DCLK2: variants seen among roughly 807,000 people sequenced by gnomAD.
DCLK2 encodes the protein serine/threonine-protein kinase DCLK2.
DCLK2 carries 31 observed loss-of-function variants against 78.4 expected under a neutral mutation model. The observed-to-expected ratio is 0.40, with a 90% CI of 0.30 to 0.53. The LOEUF is 0.53. Among genes scored for constraint, DCLK2 ranks in the 20% least tolerant of loss-of-function variants. The pLI, the probability that DCLK2 is intolerant of heterozygous loss-of-function variation, is 0.61. For missense variants in DCLK2, 872 were observed against 973.7 expected (o/e 0.90, Z 1.39); for synonymous variants, 407 against 374.9 (o/e 1.09, Z -0.99).
chr4:150,091,643 C>T (rs904278883), intron 1 of DCLK2, among the ~76,000 whole-genome samples: 7 of 152,154 alleles, frequency 4.6e-5, no homozygotes, highest in African/African-American at 1.7e-4. Context: ...AGTTACTGGA[C>T]ATACTATAAC....
intron 15 of DCLK2, among the ~76,000 whole-genome samples, chr4:150,251,701 C>A: frequency 9.8e-6 from 1 of 102,454 alleles, no homozygotes; most frequent in East Asian, 3.1e-4. Context: ...ACCAGGTACC[C>A]CCACACACCC....
At chr4:150,209,096 T>G (rs1201299353) in intron 5 of DCLK2, among the ~76,000 whole-genome samples, 1 of 152,208 alleles carries the variant, frequency 6.6e-6, no homozygotes, top group East Asian at 1.9e-4. Flanking sequence ...CTTAAACAAA[T>G]GATTGGAAAC....
intron 12 of DCLK2, among the ~76,000 whole-genome samples, chr4:150,242,429 T>C (rs1488433987): frequency 6.6e-6 from 1 of 152,230 alleles, no homozygotes; most frequent in Non-Finnish European, 1.5e-5. Flanking sequence ...ACACAGACTG[T>C]AGAATTACTG....
intron 15 of DCLK2, chr4:150,253,219 G>A (rs777001641): frequency 4.1e-5 from 21 of 516,920 alleles, no homozygotes; most frequent in South Asian, 2.8e-4. Context: ...GGTACTCATA[G>A]GTCCTCATAA....
At chr4:150,173,544 C>A (rs2150264322) in intron 2 of DCLK2, among the ~76,000 whole-genome samples, 1 of 152,264 alleles carries the variant, frequency 6.6e-6, no homozygotes, top group Non-Finnish European at 1.5e-5. Flanking sequence ...AATGTGCCCT[C>A]TTCACCTCCT....
chr4:150,203,950 G>A (rs1739648956), intron 5 of DCLK2, 61 bp downstream of exon 5: 2 of 1,506,376 alleles, frequency 1.3e-6, no homozygotes, highest in Non-Finnish European at 9.2e-7. Flanking sequence ...TCATAGTTTA[G>A]CAGTTTAATT....
At chr4:150,172,499 C>G (rs1736609399) in intron 2 of DCLK2, among the ~76,000 whole-genome samples, 1 of 149,748 alleles carries the variant, frequency 6.7e-6, no homozygotes, top group Non-Finnish European at 1.5e-5. Flanking sequence ...CTTAGCTACT[C>G]AGGAGGCTGA....
At chr4:150,243,112 T>C (rs1743049044) in intron 12 of DCLK2, among the ~76,000 whole-genome samples, 1 of 152,218 alleles carries the variant, frequency 6.6e-6, no homozygotes, top group South Asian at 2.1e-4. Flanking sequence ...TTTCTTTCAC[T>C]GCTTTTTACT....
At chr4:150,121,078 A>C (rs1290651189) in intron 2 of DCLK2, among the ~76,000 whole-genome samples, 1 of 152,132 alleles carries the variant, frequency 6.6e-6, no homozygotes, top group Non-Finnish European at 1.5e-5. Context: ...TCTAAAAAAA[A>C]AATACTGACA....
intron 2 of DCLK2, among the ~76,000 whole-genome samples, chr4:150,122,599 G>A (rs1051443543): frequency 3.3e-5 from 5 of 152,276 alleles, no homozygotes; most frequent in Non-Finnish European, 5.9e-5. Context: ...ACCAGGGCCT[G>A]TCAGTGGGTG....
At chr4:150,144,296 A>G (rs77610374) in intron 2 of DCLK2, among the ~76,000 whole-genome samples, 4,412 of 152,164 alleles carry the variant, frequency 0.029, 175 homozygotes, top group African/African-American at 0.096. Context: ...ATTCTTTTGT[A>G]TATGGTTAGC....
rs557000863 is a variant in DCLK2 at position 150,165,181 on chromosome 4, C to G, written c.757-27957C>G. 1.0e-3 allele frequency among the ~76,000 whole-genome samples: 156 copies of G among 152,326 alleles called. 1 individual carries two copies. The highest frequency in any genetic ancestry group is 3.6e-3 in the African/African-American group (151 of 41,560). On this transcript the variant is annotated intron_variant, in intron 2 of 15. Transcript: ENST00000296550. ...TGTTTAAAAACACTTTTAACAACTG[C>G]TGAGGACTATGGGTGTTGTGATTAA...
chr4:150,255,962 C>T (rs752362001), intron 15 of DCLK2, 58 bp from the exon 16 acceptor site: 146 of 1,582,534 alleles, frequency 9.2e-5, no homozygotes, highest in Non-Finnish European at 2.3e-5. Flanking sequence ...CTGCTCGTGG[C>T]AGCTGGGACC....
intron 9 of DCLK2, 39 bp from the exon 10 acceptor site, chr4:150,232,643 C>G: frequency 6.2e-7 from 1 of 1,603,738 alleles, no homozygotes; most frequent in Non-Finnish European, 8.5e-7. Context: ...TAGGATTGCA[C>G]TGTTGATGCT....
chr4:150,210,228 A>G (rs1371804617), intron 5 of DCLK2, among the ~76,000 whole-genome samples: 1 of 152,192 alleles, frequency 6.6e-6, no homozygotes. Flanking sequence ...ATTGAGATTG[A>G]TTAAATATGG....
chr4:150,091,542 C>T (rs72963483), intron 1 of DCLK2, among the ~76,000 whole-genome samples: 2,470 of 152,158 alleles, frequency 0.016, 60 homozygotes, highest in African/African-American at 0.053. Flanking sequence ...TAGAGTTAGG[C>T]GTAGTCTCAG....
intron 10 of DCLK2, among the ~76,000 whole-genome samples, chr4:150,237,186 A>G (rs1350391778): frequency 1.3e-5 from 2 of 152,144 alleles, no homozygotes; most frequent in Non-Finnish European, 2.9e-5. Context: ...TACTTAGGAA[A>G]TTTCTTTCCA....
chr4:150,127,575 G>A (rs1183087390), intron 2 of DCLK2, among the ~76,000 whole-genome samples: 2 of 152,068 alleles, frequency 1.3e-5, no homozygotes, highest in Non-Finnish European at 2.9e-5. Context: ...AGGATTATAG[G>A]GAACCTTGTT....
At chr4:150,168,238 G>A (rs901223000) in intron 2 of DCLK2, among the ~76,000 whole-genome samples, 16 of 151,930 alleles carry the variant, frequency 1.1e-4, no homozygotes, top group Admixed American at 9.2e-4. Flanking sequence ...AGCTACTCTG[G>A]AGACTGAGGC....
Sources: gnomAD v4.1 joint callset for allele counts (sites outside exome capture counted in the v4.1 genomes callset) on GRCh38, gnomAD v4.1.1 for gene constraint, MANE v1.5 for transcripts, NCBI Gene and HGNC (gene_info 2026-07-23, HGNC 2026-07-21) for gene names.